JPH2: variants seen among roughly 807,000 people sequenced by gnomAD.
JPH2 encodes junctophilin 2.
Under a neutral mutation model 55.9 loss-of-function variants are expected in JPH2, and 38 were observed. The ratio of observed to expected loss-of-function variants is 0.68; its 90% CI spans 0.52 to 0.89. JPH2 has a LOEUF of 0.89. JPH2 is among the 40% of genes least tolerant of loss of function. The probability of loss-of-function intolerance (pLI) is 0.00; values close to 1 mark genes in which losing one functional copy is unlikely to be tolerated. For synonymous variants in JPH2, 480 were observed against 472.4 expected (o/e 1.02, Z -0.21); for missense variants, 964 against 1,037.6 (o/e 0.93, Z 0.97).
In JPH2 at chr20:44,149,762, G is replaced by A. The variant is rs138721861; in HGVS notation, c.1169+9856C>T. Among the ~76,000 whole-genome samples, 465 of 152,244 alleles carry A rather than the reference G, an allele frequency of 3.1e-3. 1 individual carries two copies. The highest frequency in any genetic ancestry group is 7.3e-3 in the South Asian group (35 of 4,826). On this transcript the variant is annotated intron_variant, in intron 2 of 5. Coordinates refer to ENST00000372980, the MANE Select transcript of JPH2 (RefSeq NM_020433.5). Reference sequence around the variant, plus strand: ...GGGAGGCCGAAGCAGTGGGTCACTCGAGGTCAGGAGTTTGAGACCAGTCTG... The same window carrying A: ...GGGAGGCCGAAGCAGTGGGTCACTCAAGGTCAGGAGTTTGAGACCAGTCTG...
At chr20:44,174,404 C>G (rs998552660) in intron 1 of JPH2, among the ~76,000 whole-genome samples, 5 of 152,194 alleles carry the variant, frequency 3.3e-5, no homozygotes, top group African/African-American at 9.7e-5. Flanking sequence ...CACCCCCAAC[C>G]CTTTTTGCAT....
At chr20:44,156,316 T>C (rs1037192862) in intron 2 of JPH2, among the ~76,000 whole-genome samples, 4 of 152,224 alleles carry the variant, frequency 2.6e-5, no homozygotes, top group Admixed American at 1.3e-4. Context: ...AAACTCTTTG[T>C]ATTCTTTTTG....
intron 1 of JPH2, 93 bp downstream of exon 1, chr20:44,186,234 G>A: frequency 7.1e-7 from 1 of 1,410,696 alleles, no homozygotes; most frequent in Non-Finnish European, 9.8e-7. Flanking sequence ...ATCTGATTCT[G>A]TGCCAATTGC....
intron 2 of JPH2, among the ~76,000 whole-genome samples, chr20:44,150,872 T>TA (rs1457278493): frequency 1.3e-5 from 2 of 151,726 alleles, no homozygotes; most frequent in African/African-American, 4.8e-5. Context: ...CAAATATATA[T>TA]TTTTTTAATT....
chr20:44,136,953 C>A (rs1443228241), intron 2 of JPH2, among the ~76,000 whole-genome samples: 1 of 152,044 alleles, frequency 6.6e-6, no homozygotes, highest in Non-Finnish European at 1.5e-5. Flanking sequence ...CTGATGCAAC[C>A]CTTCTGGATA....
rs1244243096 is a variant in JPH2 at position 44,159,884 on chromosome 20, C to T, written c.903G>A (p.Ser301=). 3.7e-6 allele frequency: 6 copies of T among 1,612,792 alleles called. No homozygotes were observed. The highest frequency in any genetic ancestry group is 1.7e-5 in the Admixed American group (1 of 59,920). Residue 301 remains serine (S), a synonymous_variant, in exon 2 of 6, where the codon TCG becomes TCA. Transcript: ENST00000372980. This position sits in a 1 kb window ranked among gnomAD's most constrained non-coding sequence, Gnocchi z 5.7. The stretch of plus-strand genomic sequence containing the variant: ...TGGAGCGTTCGCTCACGCCGAAGCC[C>T]GAGCGTTTGTCGTTCTTCCACTCGC... The part of the protein sequence containing the change: ...YMGEWKNDKR[S]GFGVSERSSG...
chr20:44,159,540 G>T lies in JPH2; in HGVS notation c.1169+78C>A. The T allele has an allele frequency of 9.9e-6, 14 of 1,417,132 alleles. No homozygotes were observed. In the South Asian group the frequency reaches 1.6e-4, roughly 16 times the overall value. 87.8% of individuals were successfully genotyped at this position (1,417,132 alleles called of 1,614,324 possible). A position where few individuals can be genotyped will look rare whatever the true frequency, so the allele number is the denominator to read the frequency against. On this transcript the variant is annotated intron_variant, in intron 2 of 5. Coordinates refer to ENST00000372980, the MANE Select transcript of JPH2 (RefSeq NM_020433.5). The surrounding 1 kb of genome is among the most constrained non-coding windows in gnomAD (Gnocchi z 5.7). ...GAAGCAGAATCAGGCTTGGAGACAG[G>T]GCCTCCTAGGTTGCCCTGCCCCAGG...
At chr20:44,155,091 T>C (rs6130547) in intron 2 of JPH2, among the ~76,000 whole-genome samples, 40,439 of 151,662 alleles carry the variant, frequency 0.27, 5,515 homozygotes, top group Admixed American at 0.35. Context: ...CATCCCTCCT[T>C]CTCCCCAGAC....
chr20:44,136,415 A>G (rs2072413620), intron 2 of JPH2, among the ~76,000 whole-genome samples: 1 of 151,100 alleles, frequency 6.6e-6, no homozygotes, highest in African/African-American at 2.4e-5. Flanking sequence ...CAGCAAGAGG[A>G]TGCTGAATCC....
chr20:44,159,528 G>C lies in JPH2; in HGVS notation c.1169+90C>G. On this transcript the variant is annotated intron_variant, in intron 2 of 5. Coordinates refer to ENST00000372980, the MANE Select transcript of JPH2 (RefSeq NM_020433.5). The surrounding 1 kb of genome is among the most constrained non-coding windows in gnomAD (Gnocchi z 5.7). ...ATGGGGGTAAAAGAAGCAGAATCAG[G>C]CTTGGAGACAGGGCCTCCTAGGTTG... The C allele has an allele frequency of 3.0e-6, 4 of 1,340,828 alleles. No homozygotes were observed. Among genetic ancestry groups the C allele is most frequent in the Non-Finnish European group, 4.1e-6 (4 of 969,986 alleles). 83.1% of individuals were successfully genotyped at this position (1,340,828 alleles called of 1,614,324 possible).
At chr20:44,135,147 G>T (rs79937725) in intron 2 of JPH2, among the ~76,000 whole-genome samples, 3,645 of 151,684 alleles carry the variant, frequency 0.024, 58 homozygotes, top group Non-Finnish European at 0.035. Context: ...GGATGTAAAC[G>T]TTCCTTCTTA....
chr20:44,173,983 C>G (rs770961492), intron 1 of JPH2, among the ~76,000 whole-genome samples: 5 of 152,150 alleles, frequency 3.3e-5, no homozygotes, highest in Non-Finnish European at 5.9e-5. Context: ...ATAAGTAATC[C>G]ATCACATAGG....
intron 2 of JPH2, among the ~76,000 whole-genome samples, chr20:44,137,998 T>C (rs1167066083): frequency 2.6e-5 from 4 of 151,706 alleles, no homozygotes; most frequent in African/African-American, 9.7e-5. Context: ...AGAGAAAAAA[T>C]TTAAAAAGAC....
chr20:44,108,053 G>C lies in JPH2; in HGVS notation c.*5465C>G, dbSNP rs1056220396. Among the ~76,000 whole-genome samples the C allele has an allele frequency of 6.6e-6, 1 of 152,186 alleles. No individual in the cohort carries two copies. Among genetic ancestry groups the C allele is most frequent in the African/African-American group, 2.4e-5 (1 of 41,442 alleles). ...TGATGTCAGCCTGACCTTTGGGTGT[G>C]GGGAGGGGTATGGAGGTTAAGTTCA... On this transcript the variant is annotated 3_prime_UTR_variant, in exon 6 of 6. Coordinates refer to ENST00000372980, the MANE Select transcript of JPH2 (RefSeq NM_020433.5).
chr20:44,117,860 A>G (rs796372999), intron 3 of JPH2, among the ~76,000 whole-genome samples: 1 of 152,242 alleles, frequency 6.6e-6, no homozygotes, highest in Non-Finnish European at 1.5e-5. Flanking sequence ...AGTCACTGAG[A>G]GCTTACTGAG....
At chr20:44,134,876 TTATATATATATTAA>T (rs1569195749) in intron 2 of JPH2, among the ~76,000 whole-genome samples, 20 of 62,120 alleles carry the variant, frequency 3.2e-4, no homozygotes, top group Non-Finnish European at 5.2e-4. Flanking sequence ...ATATATATAT[TTATATATATATTAA>T]TATATATTTA....
chr20:44,157,626 T>G (rs1302910643), intron 2 of JPH2, among the ~76,000 whole-genome samples: 2 of 152,210 alleles, frequency 1.3e-5, no homozygotes, highest in African/African-American at 2.4e-5. Context: ...CTTGTCTTTA[T>G]AGATGAGATC....
At chr20:44,181,238 T>C (rs2072781135) in intron 1 of JPH2, among the ~76,000 whole-genome samples, 1 of 152,154 alleles carries the variant, frequency 6.6e-6, no homozygotes, top group Non-Finnish European at 1.5e-5. Flanking sequence ...CAAGTCACCT[T>C]AGAACAATGA....
intron 1 of JPH2, among the ~76,000 whole-genome samples, chr20:44,185,215 G>A (rs915333048): frequency 6.6e-6 from 1 of 152,150 alleles, no homozygotes; most frequent in Non-Finnish European, 1.5e-5. Context: ...GCCAAGATGG[G>A]AGGATTGCTT....
Sources: gnomAD v4.1 joint callset for allele counts (sites outside exome capture counted in the v4.1 genomes callset) on GRCh38, gnomAD v4.1.1 for gene constraint, Gnocchi (gnomAD v3.1) non-coding constraint, MANE v1.5 for transcripts, NCBI Gene and HGNC (gene_info 2026-07-23, HGNC 2026-07-21) for gene names.